Variants in CFAP61 observed in about 807,000 individuals in gnomAD.
The protein encoded by CFAP61 is cilia and flagella associated protein 61.
Under a neutral mutation model 135.6 loss-of-function variants are expected in CFAP61, and 107 were observed. The ratio of observed to expected loss-of-function variants is 0.79; its 90% CI spans 0.67 to 0.93. The LOEUF is 0.93. Among genes scored for constraint, CFAP61 ranks in the 40% least tolerant of loss-of-function variants. CFAP61 has a pLI of 0.00. For synonymous variants in CFAP61, 575 were observed against 578.5 expected, an observed-to-expected ratio of 0.99 and a Z score of 0.09; for missense variants, 1,507 against 1,556.2, an observed-to-expected ratio of 0.97 and a Z score of 0.53.
intron 24 of CFAP61, among the ~76,000 whole-genome samples, chr20:20,297,500 T>C (rs2424333): frequency 0.51 from 77,177 of 152,040 alleles, 20,161 homozygotes; most frequent in Middle Eastern, 0.63. Flanking sequence ...AAGAAGTCAC[T>C]GTGGCATGGA....
chr20:20,169,446 G>T lies in CFAP61; in HGVS notation c.1371G>T (p.Arg457=), dbSNP rs753949877. Residue 457 remains arginine (R), a synonymous_variant, in exon 13 of 27, where the codon CGG becomes CGT. Transcript: ENST00000245957. ...TLEQDLYVFH[R]AGLLKSINIR... is the part of the protein sequence containing the mutation. ...AGCAGGACCTCTACGTCTTCCACCG[G>T]GCTGGATTGCTCAAGTGAGTAGACA... is the stretch of plus-strand genomic sequence containing the variant. 1 of 1,612,988 alleles carries T rather than the reference G, an allele frequency of 6.2e-7. No homozygotes were observed. Among genetic ancestry groups the T allele is most frequent in the South Asian group, 1.1e-5 (1 of 90,856 alleles).
intron 26 of CFAP61, among the ~76,000 whole-genome samples, chr20:20,356,517 G>C (rs1420609944): frequency 1.4e-5 from 2 of 143,250 alleles, no homozygotes; most frequent in Admixed American, 1.4e-4. Flanking sequence ...ACACTGAGGG[G>C]AGGTGGTCAC....
At chr20:20,271,591 G>T (rs1335488559) in intron 21 of CFAP61, among the ~76,000 whole-genome samples, 1 of 152,154 alleles carries the variant, frequency 6.6e-6, no homozygotes, top group Non-Finnish European at 1.5e-5. Flanking sequence ...CCACACAGTC[G>T]CCTTTTTACG....
chr20:20,329,972 C>G (rs2057921851), intron 25 of CFAP61, among the ~76,000 whole-genome samples: 1 of 152,164 alleles, frequency 6.6e-6, no homozygotes, highest in African/African-American at 2.4e-5. Flanking sequence ...TGTCAGAGCA[C>G]CTCTGGATGC....
chr20:20,337,514 A>G (rs368341361), intron 25 of CFAP61, among the ~76,000 whole-genome samples: 31 of 22,892 alleles, frequency 1.4e-3, no homozygotes, highest in Admixed American at 2.7e-3. Context: ...GGATAAATGG[A>G]TGGATGGATG....
At chr20:20,075,148 C>CT in intron 4 of CFAP61, 41 bp from the exon 5 acceptor site, 1 of 1,589,692 alleles carries the variant, frequency 6.3e-7, no homozygotes, top group Non-Finnish European at 8.6e-7. Flanking sequence ...GATGGGATTG[C>CT]TTTGTTAGTA....
At chr20:20,147,563 C>G (rs923922135) in intron 9 of CFAP61, among the ~76,000 whole-genome samples, 5 of 151,934 alleles carry the variant, frequency 3.3e-5, no homozygotes, top group African/African-American at 1.2e-4. Context: ...CTATTCATGC[C>G]CTTTGACCAC....
intron 15 of CFAP61, among the ~76,000 whole-genome samples, chr20:20,194,313 T>C (rs1374659502): frequency 6.6e-6 from 1 of 152,228 alleles, no homozygotes; most frequent in East Asian, 1.9e-4. Context: ...TTGTGTTTAT[T>C]CTATTACCCA....
intron 25 of CFAP61, among the ~76,000 whole-genome samples, chr20:20,316,163 A>G (rs1335570282): frequency 6.6e-6 from 1 of 151,846 alleles, no homozygotes; most frequent in Admixed American, 6.6e-5. Flanking sequence ...GATTCTTCCT[A>G]CCCATGAGCA....
At chr20:20,152,561 G>A (rs1243118604) in intron 9 of CFAP61, among the ~76,000 whole-genome samples, 1 of 152,066 alleles carries the variant, frequency 6.6e-6, no homozygotes, top group Non-Finnish European at 1.5e-5. Flanking sequence ...CAAAAATGAG[G>A]AAGAGTAACT....
intron 25 of CFAP61, among the ~76,000 whole-genome samples, chr20:20,334,436 G>A (rs1417690772): frequency 6.6e-6 from 1 of 152,176 alleles, no homozygotes; most frequent in Non-Finnish European, 1.5e-5. Context: ...CATAGTGTTA[G>A]CCTCTGAATT....
At chr20:20,053,845 G>A (rs375372984) in intron 1 of CFAP61, among the ~76,000 whole-genome samples, 160 of 152,162 alleles carry the variant, frequency 1.1e-3, no homozygotes, top group Admixed American at 2.0e-3. Flanking sequence ...CCTTAAATGT[G>A]TTACTGTAAA....
At chr20:20,119,502 T>G (rs2049443328) in intron 8 of CFAP61, among the ~76,000 whole-genome samples, 1 of 152,220 alleles carries the variant, frequency 6.6e-6, no homozygotes, top group Non-Finnish European at 1.5e-5. Flanking sequence ...CTTTTCTCTC[T>G]TTTTCTTAGT....
At chr20:20,229,585 A>G (rs2048984499) in intron 18 of CFAP61, among the ~76,000 whole-genome samples, 1 of 152,122 alleles carries the variant, frequency 6.6e-6, no homozygotes, top group Non-Finnish European at 1.5e-5. Flanking sequence ...GGGTAAGCAA[A>G]TGGATGGAGG....
rs1352080701 is a variant in CFAP61, at chr20:20,360,241, C to T, written c.3545C>T (p.Ala1182Val). The part of the protein sequence containing the change: ...EEDLPSIEQL[A>V]HQIEDEEINP... Reference sequence around the variant, plus strand: ...GATCTTCCTTCCATAGAGCAGTTAGCCCATCAAATAGAAGATGAGGAAATC... The same window carrying T: ...GATCTTCCTTCCATAGAGCAGTTAGTCCATCAAATAGAAGATGAGGAAATC... The change falls in exon 27 of 27, where the codon GCC (alanine) becomes GTC (valine). Residue 1182 changes from alanine to valine, a missense_variant. Coordinates refer to ENST00000245957, the MANE Select transcript of CFAP61 (RefSeq NM_015585.4). 2 of 1,613,712 alleles carry T rather than the reference C, an allele frequency of 1.2e-6. No individual in the cohort carries two copies.
chr20:20,164,642 T>C (rs1401388610), intron 11 of CFAP61, among the ~76,000 whole-genome samples: 1 of 152,032 alleles, frequency 6.6e-6, no homozygotes, highest in Non-Finnish European at 1.5e-5. Context: ...TAACTAAGGA[T>C]AACTCTGGTG....
chr20:20,182,968 A>C (rs1028716175), intron 13 of CFAP61, among the ~76,000 whole-genome samples: 4 of 152,208 alleles, frequency 2.6e-5, no homozygotes, highest in Non-Finnish European at 5.9e-5. Context: ...CAGAAAAGGA[A>C]GGAGCTAGAT....
chr20:20,200,172 AG>A (rs1214346328), intron 17 of CFAP61, among the ~76,000 whole-genome samples: 1 of 152,240 alleles, frequency 6.6e-6, no homozygotes, highest in Admixed American at 6.5e-5. Context: ...CCAGGACAAA[AG>A]GCCTAGAGTC....
At chr20:20,310,109 C>T (rs568225121) in intron 25 of CFAP61, among the ~76,000 whole-genome samples, 3 of 152,316 alleles carry the variant, frequency 2.0e-5, no homozygotes, top group South Asian at 4.1e-4. Flanking sequence ...ATTCTCCTGC[C>T]TCAGTCTCCT....
Sources: gnomAD v4.1 joint callset for allele counts (sites outside exome capture counted in the v4.1 genomes callset) on GRCh38, gnomAD v4.1.1 for gene constraint, MANE v1.5 for transcripts, NCBI Gene and HGNC (gene_info 2026-07-23, HGNC 2026-07-21) for gene names.